The following ARHGEF18 variants were observed in gnomAD, a reference collection of about 807,000 sequenced individuals.
ARHGEF18 encodes the protein Rho/Rac guanine nucleotide exchange factor 18, also known as rho guanine nucleotide exchange factor 18.
In ARHGEF18, 93 loss-of-function variants were observed where a neutral mutation model predicts 155.7. The observed-to-expected ratio is 0.60, with a 90% confidence interval of 0.50 to 0.71. The LOEUF is 0.71. Ranked by LOEUF, ARHGEF18 falls within the 30% of genes least tolerant of loss-of-function variation. ARHGEF18 has a pLI of 0.00. For synonymous variants in ARHGEF18, 742 were observed against 753.1 expected (o/e 0.99, Z 0.24); for missense variants, 1,593 against 1,816.1 (o/e 0.88, Z 2.23).
intron 15 of ARHGEF18, among the ~76,000 whole-genome samples, chr19:7,448,487 T>C (rs907143584): frequency 9.9e-5 from 15 of 152,128 alleles, no homozygotes; most frequent in Admixed American, 6.5e-4. Flanking sequence ...TGGTGAAACC[T>C]GGTCTCTACT....
chr19:7,448,265 G>A (rs1324432239), intron 15 of ARHGEF18, among the ~76,000 whole-genome samples: 1 of 152,146 alleles, frequency 6.6e-6, no homozygotes, highest in Non-Finnish European at 1.5e-5. Context: ...TGTAATCCCT[G>A]TAACTTTGGG....
At position 7,466,804 on chromosome 19, in the gene ARHGEF18, C is replaced by CAAAAAAAAAAAAA. The variant is rs965666634; in HGVS notation, c.2905-104_2905-92dup. ...GGGCAACAAGAGCAGAATTCCGTCTCAAAAAAAAAAAAAAAAAAAAAAGTT... is the reference window on the plus strand; with the variant it reads ...GGGCAACAAGAGCAGAATTCCGTCTCAAAAAAAAAAAAAAAAAAAAAAAAAAAAAAAAAAAGTT... On this transcript the variant is annotated intron_variant, in intron 23 of 28. Coordinates refer to ENST00000668164, the MANE Select transcript of ARHGEF18 (RefSeq NM_001367823.1). 13 of 495,996 alleles carry CAAAAAAAAAAAAA rather than the reference C, an allele frequency of 2.6e-5. No homozygotes were observed. The African/African-American group carries it at 5.1e-4, about 20-fold the overall frequency. The allele number at this position is 495,996 out of a possible 1,614,324, so 30.7% of individuals were successfully genotyped here.
chr19:7,355,750 A>T, intron 1 of ARHGEF18: 1 of 977,996 alleles, frequency 1.0e-6, no homozygotes, highest in Non-Finnish European at 1.2e-6. Context: ...CCAGGTGGGG[A>T]TCCCAGGACA....
At chr19:7,477,036 C>A (rs951928022), downstream of ARHGEF18, 6 of 541,620 alleles carry the variant, frequency 1.1e-5, no homozygotes, top group African/African-American at 2.0e-5. Flanking sequence ...TCAGGAGCTC[C>A]AGGCTGAGGC....
intron 10 of ARHGEF18, among the ~76,000 whole-genome samples, chr19:7,439,079 G>C (rs10415183): frequency 2.6e-4 from 39 of 151,552 alleles, no homozygotes; most frequent in Admixed American, 4.0e-4. Flanking sequence ...AAGTAGAGAC[G>C]GGGGTTTCCT....
chr19:7,419,638 T>C (rs1973233964), intron 10 of ARHGEF18, among the ~76,000 whole-genome samples: 1 of 151,942 alleles, frequency 6.6e-6, no homozygotes, highest in South Asian at 2.1e-4. Context: ...TTTCCTTTTC[T>C]CCATCAGGCC....
At chr19:7,468,504 A>T (rs556342783) in intron 26 of ARHGEF18, among the ~76,000 whole-genome samples, 6 of 152,354 alleles carry the variant, frequency 3.9e-5, no homozygotes, top group African/African-American at 1.4e-4. Flanking sequence ...GTGCCACTGC[A>T]TTCTAGCCTG....
chr19:7,445,152 A>G (rs542014849), intron 14 of ARHGEF18, among the ~76,000 whole-genome samples: 5 of 152,130 alleles, frequency 3.3e-5, no homozygotes, highest in Non-Finnish European at 5.9e-5. Context: ...CAACCGTTCA[A>G]AGCTTACCTG....
chr19:7,423,639 A>T (rs1450281643), intron 10 of ARHGEF18, among the ~76,000 whole-genome samples: 2 of 150,144 alleles, frequency 1.3e-5, no homozygotes, highest in East Asian at 3.9e-4. Flanking sequence ...CAGGAGGCAG[A>T]GGTTGCAATG....
At chr19:7,362,011 A>AGGAAGAAGAAGGAGAAGG (rs1568264307) in intron 1 of ARHGEF18, among the ~76,000 whole-genome samples, 2 of 85,334 alleles carry the variant, frequency 2.3e-5, no homozygotes, top group Non-Finnish European at 4.5e-5. Context: ...GAAGAAGAAG[A>AGGAAGAAGAAGGAGAAGG]AGAAGGAGAA....
chr19:7,432,613 T>A (rs1323651250), intron 10 of ARHGEF18, among the ~76,000 whole-genome samples: 2 of 152,160 alleles, frequency 1.3e-5, no homozygotes, highest in African/African-American at 4.8e-5. Context: ...AGTACTCAGA[T>A]TACAGACTTG....
chr19:7,385,028 T>A (rs1409074541), intron 10 of ARHGEF18, among the ~76,000 whole-genome samples: 1 of 152,076 alleles, frequency 6.6e-6, no homozygotes, highest in African/African-American at 2.4e-5. Flanking sequence ...ACAAAGTCAG[T>A]GTGTTGAAGT....
At position 7,462,461 on chromosome 19, in the gene ARHGEF18, G is replaced by C; in HGVS notation, c.2635+127G>C. ...CTGTCCAGGACAGGCTTCTATGTGG[G>C]GGGGGCCCAGGAGCAGCACTGACCG... is the stretch of plus-strand genomic sequence containing the variant. On this transcript the variant is annotated intron_variant, in intron 21 of 28. Coordinates refer to ENST00000668164, the MANE Select transcript of ARHGEF18 (RefSeq NM_001367823.1). The surrounding 1 kb of genome is among the most constrained non-coding windows in gnomAD (Gnocchi z 4.4). The C allele has an allele frequency of 8.7e-7, 1 of 1,150,798 alleles. No individual in the cohort carries two copies. The highest frequency in any genetic ancestry group is 1.2e-6 in the Non-Finnish European group (1 of 842,260). 71.3% of individuals were successfully genotyped at this position (1,150,798 alleles called of 1,614,324 possible).
chr19:7,452,046 CAAGA>C (rs1221642134), intron 16 of ARHGEF18, among the ~76,000 whole-genome samples: 1 of 152,104 alleles, frequency 6.6e-6, no homozygotes, highest in African/African-American at 2.4e-5. Flanking sequence ...GCTTTTGATA[CAAGA>C]AAGATGGGGT....
chr19:7,458,601 C>G lies in ARHGEF18; in HGVS notation c.2271C>G (p.Ser757=), dbSNP rs774514808. 2 of 1,613,472 alleles carry G rather than the reference C, an allele frequency of 1.2e-6. No individual in the cohort carries two copies. Among genetic ancestry groups the G allele is most frequent in the Admixed American group, 3.3e-5 (2 of 59,940 alleles). The change falls in exon 19 of 29, where the codon TCC becomes TCG. Residue 757 remains serine, a synonymous_variant. Coordinates refer to ENST00000668164, the MANE Select transcript of ARHGEF18 (RefSeq NM_001367823.1). ...EEKAMFLISA[S]LQGPEMYEIY... ...AAGCGATGTTTCTGATCAGCGCCTC[C>G]TTGCAAGGGCCGGAGATGTATGAAA...
chr19:7,435,608 A>C (rs922161208), intron 10 of ARHGEF18, among the ~76,000 whole-genome samples: 2 of 152,166 alleles, frequency 1.3e-5, no homozygotes. Flanking sequence ...TGAGCTCTGC[A>C]CTGGGTGCAG....
intron 4 of ARHGEF18, 145 bp downstream of exon 4, chr19:7,376,015 C>T (rs917751276): frequency 1.1e-5 from 11 of 961,326 alleles, no homozygotes; most frequent in African/African-American, 1.7e-5. Context: ...TGGTGTGGCC[C>T]GTGCCTCAGT....
At chr19:7,355,594 C>G (rs1969268448) in intron 1 of ARHGEF18, 1 of 984,970 alleles carries the variant, frequency 1.0e-6, no homozygotes, top group African/African-American at 1.7e-5. Context: ...CAGGCCAGCT[C>G]ACACTCAAGC....
chr19:7,460,887 C>G (rs910075142), intron 20 of ARHGEF18, among the ~76,000 whole-genome samples: 1 of 151,752 alleles, frequency 6.6e-6, no homozygotes, highest in Non-Finnish European at 1.5e-5. Flanking sequence ...CTATCAGGTC[C>G]AAGAGATTCT....
Sources: allele counts gnomAD v4.1 joint callset (sites outside exome capture counted in the v4.1 genomes callset), GRCh38; gene constraint gnomAD v4.1.1; non-coding constraint Gnocchi (gnomAD v3.1); transcripts MANE v1.5; gene names NCBI Gene and HGNC (gene_info 2026-07-23, HGNC 2026-07-21).